Variants in CDK14 observed in about 807,000 individuals in gnomAD.
CDK14 encodes the protein cyclin dependent kinase 14, also known as cyclin-dependent kinase 14.
In CDK14, 34 loss-of-function variants were observed where a neutral mutation model predicts 60.7. That is an observed-to-expected ratio of 0.56 (90% CI 0.43 to 0.75). The LOEUF is 0.75. CDK14 is among the 30% of genes least tolerant of loss of function. The probability of loss-of-function intolerance (pLI) is 0.00; values close to 1 mark genes in which losing one functional copy is unlikely to be tolerated. For synonymous variants in CDK14, 197 were observed against 203.7 expected, an observed-to-expected ratio of 0.97 and a Z score of 0.28; for missense variants, 482 against 564.1, an observed-to-expected ratio of 0.85 and a Z score of 1.47.
At chr7:91,096,065 C>CAAAAAA (rs112016367) in intron 12 of CDK14, among the ~76,000 whole-genome samples, 1,853 of 64,418 alleles carry the variant, frequency 0.029, 161 homozygotes, top group Middle Eastern at 0.051. Context: ...CACAATTTGC[C>CAAAAAA]AAAAAAAAAA....
At chr7:90,780,955 C>G (rs1255370365) in intron 4 of CDK14, among the ~76,000 whole-genome samples, 2 of 151,884 alleles carry the variant, frequency 1.3e-5, no homozygotes, top group Admixed American at 6.6e-5. Flanking sequence ...ATTTCTAGTT[C>G]TAGATCCCTG....
At chr7:90,882,940 C>T (rs1791811570) in intron 6 of CDK14, among the ~76,000 whole-genome samples, 1 of 152,034 alleles carries the variant, frequency 6.6e-6, no homozygotes, top group African/African-American at 2.4e-5. Flanking sequence ...CACAGCTAAA[C>T]CAGTCTTGAG....
chr7:90,665,372 C>G (rs916583021), intron 2 of CDK14, among the ~76,000 whole-genome samples: 10 of 152,162 alleles, frequency 6.6e-5, no homozygotes, highest in African/African-American at 2.4e-4. Flanking sequence ...ATGGCAGGTA[C>G]TGTGCTGGTT....
chr7:91,149,854 T>C (rs2115678695), intron 14 of CDK14, among the ~76,000 whole-genome samples: 1 of 152,326 alleles, frequency 6.6e-6, no homozygotes, highest in East Asian at 1.9e-4. Context: ...ACCCTGTGCA[T>C]CCAAATCTGT....
chr7:91,149,950 A>G (rs1385180358), intron 14 of CDK14, among the ~76,000 whole-genome samples: 3 of 152,198 alleles, frequency 2.0e-5, no homozygotes, highest in Non-Finnish European at 2.9e-5. Context: ...ACAAGGCACC[A>G]TAGTTTTTAT....
At chr7:90,971,671 AG>A (rs1794937591) in intron 9 of CDK14, among the ~76,000 whole-genome samples, 2 of 149,900 alleles carry the variant, frequency 1.3e-5, no homozygotes, top group African/African-American at 2.4e-5. Flanking sequence ...AAAAAAAAAA[AG>A]GCAAAAGATT....
At chr7:90,852,788 G>T (rs1790692717) in intron 5 of CDK14, among the ~76,000 whole-genome samples, 1 of 152,178 alleles carries the variant, frequency 6.6e-6, no homozygotes, top group African/African-American at 2.4e-5. Context: ...GTGAACTTAG[G>T]TGCTCACAAG....
intron 3 of CDK14, among the ~76,000 whole-genome samples, chr7:90,744,185 A>G (rs1256198970): frequency 6.6e-6 from 1 of 152,276 alleles, no homozygotes; most frequent in East Asian, 1.9e-4. Flanking sequence ...GTCCCTGGGT[A>G]CTTAAGATTA....
intron 2 of CDK14, among the ~76,000 whole-genome samples, chr7:90,721,075 G>T (rs1802432799): frequency 6.6e-6 from 1 of 152,162 alleles, no homozygotes; most frequent in Non-Finnish European, 1.5e-5. Flanking sequence ...CACCAGATGT[G>T]TACTTTGTAA....
intron 14 of CDK14, among the ~76,000 whole-genome samples, chr7:91,155,915 T>A (rs1316217345): frequency 1.3e-5 from 2 of 152,206 alleles, no homozygotes; most frequent in Non-Finnish European, 2.9e-5. Flanking sequence ...AAAATAAAAC[T>A]AAGTTTTGAC....
chr7:90,854,193 A>G (rs986289235), intron 5 of CDK14, among the ~76,000 whole-genome samples: 66 of 152,178 alleles, frequency 4.3e-4, no homozygotes, highest in African/African-American at 1.6e-3. Flanking sequence ...ACATACATTC[A>G]TTTAAAGAGA....
intron 10 of CDK14, among the ~76,000 whole-genome samples, chr7:91,004,521 T>C (rs900509530): frequency 2.6e-5 from 4 of 152,142 alleles, no homozygotes; most frequent in Admixed American, 2.0e-4. Flanking sequence ...GCAAGGTCAA[T>C]AGAAGGACAA....
At position 91,078,323 on chromosome 7, in the gene CDK14, C is replaced by G. The variant is rs531690660; in HGVS notation, c.1106-1109C>G. 7.9e-5 allele frequency among the ~76,000 whole-genome samples: 12 copies of G among 152,246 alleles called. No homozygotes were observed. In the South Asian group the frequency reaches 2.5e-3, roughly 32 times the overall value. ...TTATACGATTTTAAAACAATTGTTA[C>G]AGGCCAGGCGCAGTGGCTCACTTGT... On this transcript the variant is annotated intron_variant, in intron 11 of 14. Coordinates refer to ENST00000380050, the MANE Select transcript of CDK14 (RefSeq NM_001287135.2).
chr7:90,959,166 A>T (rs1420313047), intron 9 of CDK14, among the ~76,000 whole-genome samples: 1 of 152,122 alleles, frequency 6.6e-6, no homozygotes, highest in Non-Finnish European at 1.5e-5. Flanking sequence ...AGGAAAACTG[A>T]TAGAAAATAG....
At chr7:90,605,709 T>C (rs1799403313) in intron 2 of CDK14, among the ~76,000 whole-genome samples, 1 of 152,334 alleles carries the variant, frequency 6.6e-6, no homozygotes, top group East Asian at 1.9e-4. Flanking sequence ...GTTACCCCGA[T>C]ACAACAACTG....
At chr7:91,163,767 A>AC (rs1219767179) in intron 14 of CDK14, among the ~76,000 whole-genome samples, 1 of 152,006 alleles carries the variant, frequency 6.6e-6, no homozygotes, top group African/African-American at 2.4e-5. Flanking sequence ...CCCTCACCCT[A>AC]CCCCACTCCC....
At position 90,780,973 on chromosome 7, in the gene CDK14, G is replaced by A. The variant is rs960499827; in HGVS notation, c.465-9600G>A. ...TCTAGTTCTAGATCCCTGAGGAATC[G>A]CCACACTGACTTCCACAATGGTTGA... On this transcript the variant is annotated intron_variant, in intron 4 of 14. Transcript: ENST00000380050. Among the ~76,000 whole-genome samples the A allele has an allele frequency of 2.2e-3, 337 of 152,044 alleles. 2 individuals carry two copies. Among genetic ancestry groups the A allele is most frequent in the African/African-American group, 7.5e-3 (310 of 41,466 alleles).
intron 2 of CDK14, among the ~76,000 whole-genome samples, chr7:90,656,796 T>C (rs2116491914): frequency 6.6e-6 from 1 of 152,290 alleles, no homozygotes; most frequent in South Asian, 2.1e-4. Flanking sequence ...ACAATAAACA[T>C]GAGAAACAAC....
chr7:90,863,604 G>C (rs534114054), intron 6 of CDK14, among the ~76,000 whole-genome samples: 3 of 151,426 alleles, frequency 2.0e-5, no homozygotes, highest in African/African-American at 7.3e-5. Flanking sequence ...AAACTCATAG[G>C]CAATAAGAAT....
Sources: gnomAD v4.1 joint callset for allele counts (sites outside exome capture counted in the v4.1 genomes callset) on GRCh38, gnomAD v4.1.1 for gene constraint, MANE v1.5 for transcripts, NCBI Gene and HGNC (gene_info 2026-07-23, HGNC 2026-07-21) for gene names.